NTAQ1: variants seen among roughly 807,000 people sequenced by gnomAD.
NTAQ1 encodes protein N-terminal glutamine amidohydrolase.
NTAQ1 carries 21 observed loss-of-function variants against 28.2 expected under a neutral mutation model. The ratio of observed to expected loss-of-function variants is 0.74; its 90% CI spans 0.53 to 1.07. The LOEUF (loss-of-function observed/expected upper bound fraction) is 1.07, where lower values mean the gene tolerates loss of function less well. NTAQ1 is among the 50% of genes least tolerant of loss of function. The pLI is 0.00. For synonymous variants in NTAQ1, 105 were observed against 90.0 expected (o/e 1.17, Z -0.94); for missense variants, 264 against 256.6 (o/e 1.03, Z -0.20).
intron 1 of NTAQ1, among the ~76,000 whole-genome samples, chr8:123,426,625 C>T (rs1445041725): frequency 6.6e-6 from 1 of 151,362 alleles, no homozygotes; most frequent in East Asian, 2.0e-4. Context: ...TGAGCCACTG[C>T]ACTTCATTCA....
chr8:123,427,826 C>A lies in NTAQ1; in HGVS notation c.84-98C>A, dbSNP rs573512658. On this transcript the variant is annotated intron_variant, in intron 1 of 5. Transcript: ENST00000287387. ...TGTTGGATGACATGGGGTTTAAGGTCTTTTCCAACTTTTTGATGTCATCAT... is the reference window on the plus strand; with the variant it reads ...TGTTGGATGACATGGGGTTTAAGGTATTTTCCAACTTTTTGATGTCATCAT... The A allele has an allele frequency of 8.0e-6, 8 of 1,006,182 alleles. No homozygotes were observed. In the South Asian group the frequency reaches 1.1e-4, roughly 14 times the overall value. 62.3% of individuals were successfully genotyped at this position (1,006,182 alleles called of 1,614,324 possible). A position where few individuals can be genotyped will look rare whatever the true frequency, so the allele number is the denominator to read the frequency against.
chr8:123,416,941 GC>G lies in NTAQ1; in HGVS notation c.83+10del. 1 of 1,481,350 alleles carries G rather than the reference GC, an allele frequency of 6.8e-7. No individual in the cohort carries two copies. The highest frequency in any genetic ancestry group is 1.3e-5 in the South Asian group (1 of 78,380). 91.8% of individuals were successfully genotyped at this position (1,481,350 alleles called of 1,614,324 possible). A position where few individuals can be genotyped will look rare whatever the true frequency, so the allele number is the denominator to read the frequency against. On this transcript the variant is annotated intron_variant, in intron 1 of 5. Coordinates refer to ENST00000287387, the MANE Select transcript of NTAQ1 (RefSeq NM_018024.3). ...TACAGCAGCTGCTACTGGTGAGGGG[GC>G]GCGGGCGCAGCCTCTGGGTCTCCCA...
chr8:123,467,040 G>T (rs1269662486), intron 6 of NTAQ1: 6 of 150,572 alleles, frequency 4.0e-5, no homozygotes, highest in African/African-American at 1.2e-4. Context: ...ATTCCAAATT[G>T]CTTTTCTTTC....
chr8:123,465,049 G>A (rs1815928313), intron 6 of NTAQ1, among the ~76,000 whole-genome samples: 1 of 151,952 alleles, frequency 6.6e-6, no homozygotes, highest in South Asian at 2.1e-4. Flanking sequence ...GGAAAAAAAA[G>A]TGTGGGCCCC....
intron 1 of NTAQ1, among the ~76,000 whole-genome samples, chr8:123,423,352 C>T (rs540414638): frequency 1.4e-5 from 2 of 147,888 alleles, no homozygotes; most frequent in Non-Finnish European, 3.0e-5. Flanking sequence ...CTTCCTTTCC[C>T]TCCTTTCCTT....
intron 6 of NTAQ1, among the ~76,000 whole-genome samples, chr8:123,458,769 C>T (rs1381007711): frequency 2.0e-5 from 3 of 151,818 alleles, no homozygotes; most frequent in African/African-American, 7.3e-5. Context: ...TACAGGCGCC[C>T]GCCAGCACGC....
intron 6 of NTAQ1, among the ~76,000 whole-genome samples, chr8:123,462,202 C>A (rs1442410176): frequency 1.3e-5 from 2 of 152,006 alleles, no homozygotes; most frequent in African/African-American, 2.4e-5. Flanking sequence ...CATGCCACCA[C>A]GCCTGGCTAA....
At chr8:123,428,261 T>A (rs879609400) in intron 2 of NTAQ1, among the ~76,000 whole-genome samples, 220 of 152,174 alleles carry the variant, frequency 1.4e-3, no homozygotes, top group Non-Finnish European at 2.8e-3. Context: ...AGTGGCGTGA[T>A]TCTTGGCTCA....
In NTAQ1 at chr8:123,424,274, G is replaced by A. The variant is rs542880968; in HGVS notation, c.84-3650G>A. ...TTTTTTTTTTTTAAGACGAAGTCTT[G>A]CACTGTTGCCTGGGCTGGAGTGCAG... is the stretch of plus-strand genomic sequence containing the variant. On this transcript the variant is annotated intron_variant, in intron 1 of 5. Coordinates refer to ENST00000287387, the MANE Select transcript of NTAQ1 (RefSeq NM_018024.3). Among the ~76,000 whole-genome samples the A allele has an allele frequency of 2.9e-4, 44 of 149,436 alleles. 1 individual carries two copies. Among genetic ancestry groups the A allele is most frequent in the African/African-American group, 1.0e-3 (41 of 40,530 alleles).
At chr8:123,474,373 G>T (rs771923806), downstream of NTAQ1, among the ~76,000 whole-genome samples, 1 of 152,086 alleles carries the variant, frequency 6.6e-6, no homozygotes, top group Non-Finnish European at 1.5e-5. Flanking sequence ...CTCCAATTTG[G>T]CTTTGTCTGT....
chr8:123,460,534 G>A (rs895977819), intron 6 of NTAQ1, among the ~76,000 whole-genome samples: 1 of 152,338 alleles, frequency 6.6e-6, no homozygotes, highest in South Asian at 2.1e-4. Context: ...GGGAAAAGAT[G>A]GAGTGGGCTG....
chr8:123,468,891 T>C (rs879463863), exon 7 of NTAQ1, among the ~76,000 whole-genome samples: 3 of 152,224 alleles, frequency 2.0e-5, no homozygotes, highest in African/African-American at 4.8e-5. Context: ...CAGTCTCCCT[T>C]CTTTCTTTTC....
At chr8:123,461,543 G>A (rs1477466634) in intron 6 of NTAQ1, among the ~76,000 whole-genome samples, 1 of 152,002 alleles carries the variant, frequency 6.6e-6, no homozygotes, top group Non-Finnish European at 1.5e-5. Flanking sequence ...GCTTTCCTTA[G>A]CCCCAGCCTG....
At chr8:123,450,117 C>T (rs1815446484), downstream of NTAQ1, among the ~76,000 whole-genome samples, 1 of 150,140 alleles carries the variant, frequency 6.7e-6, no homozygotes. Context: ...AGGAAAGGTC[C>T]AGGGACCTAG....
chr8:123,429,896 A>AAT, intron 2 of NTAQ1, 87 bp from the exon 3 acceptor site: 1 of 645,512 alleles, frequency 1.5e-6, no homozygotes. Flanking sequence ...AAAAAAAAAA[A>AAT]ATCCCGTCTC....
At chr8:123,470,638 G>T (rs1407858784), downstream of NTAQ1, among the ~76,000 whole-genome samples, 1 of 152,208 alleles carries the variant, frequency 6.6e-6, no homozygotes, top group African/African-American at 2.4e-5. Flanking sequence ...CTAGTGCTGT[G>T]CATGAAGTCC....
At chr8:123,459,829 G>A (rs1285843665) in intron 6 of NTAQ1, among the ~76,000 whole-genome samples, 3 of 139,900 alleles carry the variant, frequency 2.1e-5, no homozygotes, top group Admixed American at 7.5e-5. Flanking sequence ...TTGAGATGGA[G>A]TTTCACTCAT....
chr8:123,467,629 G>A (rs750876736), exon 7 of NTAQ1, among the ~76,000 whole-genome samples: 1 of 152,326 alleles, frequency 6.6e-6, no homozygotes, highest in Non-Finnish European at 1.5e-5. Context: ...GGTTCCAGAG[G>A]GTTCCTTGGA....
At chr8:123,454,651 C>T (rs1815596514) in intron 6 of NTAQ1, among the ~76,000 whole-genome samples, 4 of 152,178 alleles carry the variant, frequency 2.6e-5, no homozygotes, top group Admixed American at 2.6e-4. Context: ...GGTGCCCAGA[C>T]CTGTGAACTC....
Sources: allele counts gnomAD v4.1 joint callset (sites outside exome capture counted in the v4.1 genomes callset), GRCh38; gene constraint gnomAD v4.1.1; transcripts MANE v1.5; gene names NCBI Gene and HGNC (gene_info 2026-07-23, HGNC 2026-07-21).